Variants in WFDC9 observed in about 807,000 individuals in gnomAD.
WFDC9 encodes WAP four-disulfide core domain 9, also known as protein WFDC9.
WFDC9 carries 9 observed loss-of-function variants against 9.5 expected under a neutral mutation model. That is an observed-to-expected ratio of 0.95 (90% CI 0.57 to 1.65). The LOEUF (loss-of-function observed/expected upper bound fraction) is 1.65. Ranked by LOEUF, WFDC9 falls within the 40% of genes most tolerant of loss-of-function variation. WFDC9 has a pLI of 0.00. For synonymous variants in WFDC9, 33 were observed against 32.3 expected (o/e 1.02, Z -0.07); for missense variants, 87 against 106.7 (o/e 0.82, Z 0.81).
At chr20:45,629,167 C>T (rs908304446) in intron 1 of WFDC9, among the ~76,000 whole-genome samples, 3 of 152,132 alleles carry the variant, frequency 2.0e-5, no homozygotes, top group East Asian at 1.9e-4. Context: ...ATATATGAAA[C>T]AGCTACTTAC....
chr20:45,621,758 A>T (rs1982106485), intron 1 of WFDC9, among the ~76,000 whole-genome samples: 1 of 152,196 alleles, frequency 6.6e-6, no homozygotes, highest in Non-Finnish European at 1.5e-5. Context: ...GGAATTCAGC[A>T]TGCCCTGTGT....
Position 45,608,792 on chromosome 20 carries a change from T to A in WFDC9, c.110A>T (p.Glu37Val), listed in dbSNP as rs775569632. 1.2e-6 allele frequency: 2 copies of A among 1,612,606 alleles called. No homozygotes were observed. The highest frequency in any genetic ancestry group is 1.7e-6 in the Non-Finnish European group (2 of 1,179,332). ...AGGCTGTACCCAGCACTGCTCAGTT[T>A]CTCTTATCATATCTAGAACTGAGAT... ...NKDPFLDMIRETEQCWVQPPY... is the reference protein window; with the variant it reads ...NKDPFLDMIRVTEQCWVQPPY... Residue 37 changes from glutamate to valine, a missense_variant, in exon 4 of 5, where the codon GAA becomes GTA. By Grantham distance (121) the Glu-to-Val change is moderately radical (BLOSUM62 -2). Coordinates refer to ENST00000326000, the MANE Select transcript of WFDC9 (RefSeq NM_147198.4).
intron 1 of WFDC9, among the ~76,000 whole-genome samples, chr20:45,628,987 C>A (rs756971117): frequency 2.0e-5 from 3 of 152,146 alleles, no homozygotes; most frequent in Non-Finnish European, 4.4e-5. Context: ...TCCTGGACAG[C>A]CTGCCAAGCC....
At chr20:45,613,322 G>C (rs545746051) in intron 2 of WFDC9, among the ~76,000 whole-genome samples, 33 of 152,130 alleles carry the variant, frequency 2.2e-4, no homozygotes, top group Non-Finnish European at 4.4e-4. Context: ...GAACAATGCT[G>C]CTCTAGATGA....
chr20:45,614,310 C>G (rs1158555046), intron 2 of WFDC9, among the ~76,000 whole-genome samples: 1 of 152,126 alleles, frequency 6.6e-6, no homozygotes, highest in Non-Finnish European at 1.5e-5. Context: ...CATCCTGAGA[C>G]AAACTGCAGG....
chr20:45,622,503 C>T (rs1046744615), intron 1 of WFDC9, among the ~76,000 whole-genome samples: 4 of 152,174 alleles, frequency 2.6e-5, no homozygotes, highest in African/African-American at 4.8e-5. Context: ...TTATACCTCT[C>T]GCTTCCACAT....
intron 1 of WFDC9, among the ~76,000 whole-genome samples, chr20:45,628,581 A>G (rs1237667121): frequency 6.6e-6 from 1 of 152,254 alleles, no homozygotes; most frequent in Non-Finnish European, 1.5e-5. Flanking sequence ...AAGAAAAACT[A>G]GGAAAGAGAG....
At chr20:45,626,081 C>T (rs1012710628) in intron 1 of WFDC9, among the ~76,000 whole-genome samples, 23 of 152,002 alleles carry the variant, frequency 1.5e-4, no homozygotes, top group Non-Finnish European at 3.1e-4. Flanking sequence ...CTCGGTCTCC[C>T]AAAGTGCTGG....
At chr20:45,624,223 C>T (rs998483650) in intron 1 of WFDC9, among the ~76,000 whole-genome samples, 1 of 152,114 alleles carries the variant, frequency 6.6e-6, no homozygotes, top group Non-Finnish European at 1.5e-5. Context: ...CTATCTTCCC[C>T]TTCCCACTAT....
intron 2 of WFDC9, among the ~76,000 whole-genome samples, chr20:45,612,518 A>C (rs1981882846): frequency 6.6e-6 from 1 of 152,180 alleles, no homozygotes; most frequent in African/African-American, 2.4e-5. Context: ...AAGAAAATAA[A>C]ATAGCCTTCA....
intron 1 of WFDC9, among the ~76,000 whole-genome samples, chr20:45,630,197 T>C (rs1387197394): frequency 1.3e-5 from 2 of 151,840 alleles, no homozygotes; most frequent in Non-Finnish European, 2.9e-5. Flanking sequence ...GAGAATCCAG[T>C]GGGGAAAGCA....
At chr20:45,612,109 C>G (rs1296733448) in intron 2 of WFDC9, among the ~76,000 whole-genome samples, 1 of 152,118 alleles carries the variant, frequency 6.6e-6, no homozygotes. Flanking sequence ...GTATGAAACA[C>G]TAAGCATAGG....
At chr20:45,617,928 TAAGG>T (rs895512401) in intron 1 of WFDC9, among the ~76,000 whole-genome samples, 1 of 81,196 alleles carries the variant, frequency 1.2e-5, no homozygotes, top group Non-Finnish European at 2.2e-5. Context: ...AAGAAAATCA[TAAGG>T]AAGAAAAACA....
intron 2 of WFDC9, among the ~76,000 whole-genome samples, chr20:45,613,605 T>A (rs1981907642): frequency 6.6e-6 from 1 of 152,156 alleles, no homozygotes; most frequent in Non-Finnish European, 1.5e-5. Flanking sequence ...AGACACAGGT[T>A]CTTAATGGAG....
intron 2 of WFDC9, among the ~76,000 whole-genome samples, chr20:45,611,422 T>A (rs531622891): frequency 6.6e-6 from 1 of 152,294 alleles, no homozygotes. Context: ...TTACTTATTA[T>A]ATTGAGAAGA....
chr20:45,608,712 T>C lies in WFDC9; in HGVS notation c.190A>G (p.Asn64Asp). 3 of 1,614,102 alleles carry C rather than the reference T, an allele frequency of 1.9e-6. No homozygotes were observed. The highest frequency in any genetic ancestry group is 2.5e-6 in the Non-Finnish European group (3 of 1,179,962). The stretch of plus-strand genomic sequence containing the variant: ...CAGTAGGTCCAGCAGCATGTATGAT[T>C]TGGACGTACACAAGTCATTATTTTA... ...CTKIMTCVRP[N>D]HTCCWTYCGN... The change falls in exon 4 of 5, where the codon AAT becomes GAT. Residue 64 changes from asparagine (N) to aspartate (D), a missense_variant. Coordinates refer to ENST00000326000, the MANE Select transcript of WFDC9 (RefSeq NM_147198.4).
chr20:45,610,294 T>C, intron 2 of WFDC9, 55 bp from the exon 3 acceptor site: 1 of 819,414 alleles, frequency 1.2e-6, no homozygotes. Flanking sequence ...AGGGGTAAAG[T>C]GCTTATGACT....
intron 1 of WFDC9, among the ~76,000 whole-genome samples, chr20:45,618,447 A>C (rs751155943): frequency 6.6e-6 from 1 of 152,222 alleles, no homozygotes; most frequent in African/African-American, 2.4e-5. Flanking sequence ...CTTTCAGCCT[A>C]TCTCAGCTGT....
intron 1 of WFDC9, among the ~76,000 whole-genome samples, chr20:45,619,595 T>C (rs994421295): frequency 3.3e-5 from 5 of 152,154 alleles, no homozygotes; most frequent in African/African-American, 1.2e-4. Context: ...AGAGAACAGA[T>C]AAAAGTAATT....
Sources: allele counts gnomAD v4.1 joint callset (sites outside exome capture counted in the v4.1 genomes callset), GRCh38; gene constraint gnomAD v4.1.1; transcripts MANE v1.5; gene names NCBI Gene and HGNC (gene_info 2026-07-23, HGNC 2026-07-21).